The following TMPRSS15 variants were observed in gnomAD, a reference collection of about 807,000 sequenced individuals.
TMPRSS15 encodes enteropeptidase.
In TMPRSS15, 128 loss-of-function variants were observed where a neutral mutation model predicts 125.3. The ratio of observed to expected loss-of-function variants is 1.02; its 90% confidence interval spans 0.89 to 1.18. The LOEUF (loss-of-function observed/expected upper bound fraction) is 1.18, where lower values mean the gene tolerates loss of function less well. Among genes scored for constraint, TMPRSS15 ranks in the 50% most tolerant of loss-of-function variants. TMPRSS15 has a pLI of 0.00. For synonymous variants in TMPRSS15, 446 were observed against 423.2 expected (o/e 1.05, Z -0.66); for missense variants, 1,283 against 1,212.7 (o/e 1.06, Z -0.86).
At chr21:18,307,323 A>T (rs1024614179) in intron 18 of TMPRSS15, among the ~76,000 whole-genome samples, 3 of 152,160 alleles carry the variant, frequency 2.0e-5, no homozygotes, top group African/African-American at 7.2e-5. Context: ...GACACTAAAA[A>T]ATCTGGTTAT....
chr21:18,313,063 C>T lies in TMPRSS15; in HGVS notation c.2047G>A (p.Gly683Ser), dbSNP rs1257129511. The T allele has an allele frequency of 6.8e-6, 11 of 1,613,546 alleles. No homozygotes were observed. Among genetic ancestry groups the T allele is most frequent in the Non-Finnish European group, 6.8e-6 (8 of 1,179,772 alleles). ...ACTAAACCATTGTTGTTCGTTGTGC[C>T]ATTGAAAAAACGCACTAAAGACACA... ...DEADCVRFFN[G>S]TTNNNGLVRF... is the part of the protein sequence containing the mutation. Residue 683 changes from glycine to serine, a missense_variant, in exon 18 of 25, where the codon GGC (glycine) becomes AGC (serine). Coordinates refer to ENST00000284885, the MANE Select transcript of TMPRSS15 (RefSeq NM_002772.3).
chr21:18,446,582 G>A (rs1265704273), intron 1 of TMPRSS15, among the ~76,000 whole-genome samples: 2 of 152,016 alleles, frequency 1.3e-5, no homozygotes, highest in African/African-American at 4.8e-5. Flanking sequence ...AATAAGCATG[G>A]TACTTGCATA....
intron 16 of TMPRSS15, among the ~76,000 whole-genome samples, chr21:18,316,272 G>A (rs550732313): frequency 7.9e-5 from 12 of 152,162 alleles, no homozygotes; most frequent in African/African-American, 2.2e-4. Context: ...TCGTAATTTC[G>A]TTAGTATCTC....
chr21:18,270,561 C>T (rs2074543200), intron 24 of TMPRSS15, among the ~76,000 whole-genome samples: 1 of 152,140 alleles, frequency 6.6e-6, no homozygotes, highest in Non-Finnish European at 1.5e-5. Context: ...AAATTAGGAA[C>T]TCACACATAA....
chr21:18,280,581 A>AAAACAAAAC (rs922508956), intron 22 of TMPRSS15, among the ~76,000 whole-genome samples: 1 of 147,016 alleles, frequency 6.8e-6, no homozygotes, highest in African/African-American at 2.7e-5. Flanking sequence ...GTCTCAAAAA[A>AAAACAAAAC]AAAAAAAAAA....
At position 18,472,480 on chromosome 21, in the gene TMPRSS15, T is replaced by TATATATATATATATATAC. The variant is rs1491127013; in HGVS notation, c.10+13318_10+13319insGTATATATATATATATAT. Among the ~76,000 whole-genome samples the TATATATATATATATATAC allele has an allele frequency of 5.6e-3, 630 of 112,054 alleles. 6 individuals carry two copies. The highest frequency in any genetic ancestry group is 0.019 in the African/African-American group (601 of 32,222). 73.5% of individuals were successfully genotyped at this position (112,054 alleles called of 152,430 possible). On this transcript the variant is annotated intron_variant, in intron 1 of 7. Coordinates refer to the TMPRSS15 transcript ENST00000422787. ...TTATATATATATATATATATATATA[T>TATATATATATATATATAC]ACACACACACACACATACACACACA... is the stretch of plus-strand genomic sequence containing the variant.
chr21:18,463,033 T>A (rs2122953583), intron 1 of TMPRSS15, among the ~76,000 whole-genome samples: 110 of 151,904 alleles, frequency 7.2e-4, no homozygotes, highest in African/African-American at 2.5e-3. Flanking sequence ...ATCTCTCACA[T>A]AATTTTTTAA....
chr21:18,365,660 TTCCTTCCTTCC>T (rs2147033864), intron 6 of TMPRSS15, among the ~76,000 whole-genome samples: 1 of 124,588 alleles, frequency 8.0e-6, no homozygotes, highest in African/African-American at 3.3e-5. Flanking sequence ...CCTTCCTTCC[TTCCTTCCTTCC>T]TTCCTTCCTT....
At chr21:18,332,024 G>C (rs779371143) in intron 14 of TMPRSS15, 60 bp downstream of exon 14, 62 of 1,429,192 alleles carry the variant, frequency 4.3e-5, no homozygotes, top group Non-Finnish European at 5.9e-5. Context: ...CTGCGTCAAG[G>C]GGAGATCTAC....
chr21:18,297,210 C>T (rs1382789504), intron 19 of TMPRSS15, among the ~76,000 whole-genome samples: 1 of 152,038 alleles, frequency 6.6e-6, no homozygotes, highest in Non-Finnish European at 1.5e-5. Context: ...TAAAAGTAAA[C>T]CTAATATCAA....
At chr21:18,305,420 C>T (rs2075026840) in intron 18 of TMPRSS15, among the ~76,000 whole-genome samples, 1 of 152,002 alleles carries the variant, frequency 6.6e-6, no homozygotes, top group Non-Finnish European at 1.5e-5. Context: ...CATCTCCTGA[C>T]CTCGTGATCC....
At chr21:18,284,653 A>G (rs546701555) in intron 21 of TMPRSS15, among the ~76,000 whole-genome samples, 4 of 152,210 alleles carry the variant, frequency 2.6e-5, no homozygotes, top group Non-Finnish European at 4.4e-5. Context: ...ATAGATGGGC[A>G]TAGGAGAAGG....
At chr21:18,345,102 T>C (rs1184240801) in intron 10 of TMPRSS15, among the ~76,000 whole-genome samples, 1 of 152,218 alleles carries the variant, frequency 6.6e-6, no homozygotes, top group Non-Finnish European at 1.5e-5. Flanking sequence ...AGGCAAAAAT[T>C]ATTCAGAATA....
chr21:18,421,984 C>CTTTTT (rs569146471), intron 1 of TMPRSS15, among the ~76,000 whole-genome samples: 1 of 135,158 alleles, frequency 7.4e-6, no homozygotes, highest in African/African-American at 2.8e-5. Context: ...AAGTATTACT[C>CTTTTT]TTTTTTTTTT....
intron 10 of TMPRSS15, among the ~76,000 whole-genome samples, chr21:18,349,666 T>C (rs1438481746): frequency 2.0e-5 from 3 of 152,108 alleles, no homozygotes; most frequent in Admixed American, 6.5e-5. Flanking sequence ...AAATCACAGG[T>C]ATGGGAGTTG....
rs1471233270 is a variant in TMPRSS15 at position 18,398,171 on chromosome 21, A to G, written c.276+28T>C. On this transcript the variant is annotated intron_variant, in intron 2 of 24. Transcript: ENST00000284885. ...AGCAAGTAGTTAAACTGTGTTATAA[A>G]ATTTGAAACCAGCTGTCAGTCTCCT... 6 of 1,613,242 alleles carry G rather than the reference A, an allele frequency of 3.7e-6. No individual in the cohort carries two copies. The South Asian group carries it at 6.6e-5, about 18-fold the overall frequency.
chr21:18,340,847 T>C (rs928048116), intron 13 of TMPRSS15, among the ~76,000 whole-genome samples: 8 of 152,170 alleles, frequency 5.3e-5, no homozygotes, highest in African/African-American at 1.9e-4. Flanking sequence ...AGCTCCTTTA[T>C]TACTTTCAAA....
chr21:18,473,699 T>TG (rs899085485), intron 1 of TMPRSS15, among the ~76,000 whole-genome samples: 7 of 152,118 alleles, frequency 4.6e-5, no homozygotes, highest in Admixed American at 3.9e-4. Flanking sequence ...AAGGTAAAAT[T>TG]GGTTGTGCAA....
At chr21:18,359,709 C>A in intron 8 of TMPRSS15, 48 bp downstream of exon 8, 1 of 909,604 alleles carries the variant, frequency 1.1e-6, no homozygotes, top group Admixed American at 1.8e-5. Context: ...AAAAATTTAC[C>A]CACATATTTT....
Sources: gnomAD v4.1 joint callset for allele counts (sites outside exome capture counted in the v4.1 genomes callset) on GRCh38, gnomAD v4.1.1 for gene constraint, MANE v1.5 for transcripts, NCBI Gene and HGNC (gene_info 2026-07-23, HGNC 2026-07-21) for gene names.